Variants in SYVN1 observed in about 807,000 individuals in gnomAD.
The protein encoded by SYVN1 is E3 ubiquitin-protein ligase synoviolin.
A neutral mutation model predicts 62.6 loss-of-function variants in SYVN1; 17 were observed. That is an observed-to-expected ratio of 0.27 (90% CI 0.19 to 0.41). The LOEUF (loss-of-function observed/expected upper bound fraction) is 0.41, where lower values mean the gene tolerates loss of function less well. SYVN1 is among the 10% of genes least tolerant of loss of function. The pLI is 1.00. For missense variants in SYVN1, 634 were observed against 818.0 expected (o/e 0.78, Z 2.74); for synonymous variants, 316 against 304.0 (o/e 1.04, Z -0.41).
rs371075137 is a variant in SYVN1 at position 65,129,720 on chromosome 11, C to T, written c.1595+9G>A. The T allele has an allele frequency of 1.6e-5, 26 of 1,613,646 alleles. No individual in the cohort carries two copies. Among genetic ancestry groups the T allele is most frequent in the Admixed American group, 8.3e-5 (5 of 59,992 alleles). On this transcript the variant is annotated intron_variant, in intron 14 of 15. Transcript: ENST00000377190. ...CCAAACCCACTCTGCTTCCCCTGTA[C>T]AGACACACCCCAAGGAGGCCAGCAC...
chr11:65,133,259 G>A lies in SYVN1; in HGVS notation c.133-7C>T. ...AGGCCTGGATGTACAGGACCTAGGAGTGGGGAGAGGCTGTGGTTTGAGGTC... is the reference window on the plus strand; with the variant it reads ...AGGCCTGGATGTACAGGACCTAGGAATGGGGAGAGGCTGTGGTTTGAGGTC... On this transcript the variant is annotated splice_polypyrimidine_tract_variant and splice_region_variant and intron_variant, in intron 2 of 15. Transcript: ENST00000377190. The A allele has an allele frequency of 6.2e-7, 1 of 1,614,152 alleles. No homozygotes were observed. Among genetic ancestry groups the A allele is most frequent in the Non-Finnish European group, 8.5e-7 (1 of 1,179,982 alleles).
chr11:65,132,858 T>C (rs894516305), intron 4 of SYVN1, 64 bp downstream of exon 4: 4 of 1,613,306 alleles, frequency 2.5e-6, no homozygotes, highest in Non-Finnish European at 2.5e-6. Context: ...TCCCTGCTCC[T>C]TAAGCCTGCC....
intron 15 of SYVN1, 26 bp from the exon 16 acceptor site, chr11:65,128,514 A>C: frequency 1.9e-6 from 3 of 1,613,210 alleles, no homozygotes; most frequent in Non-Finnish European, 2.5e-6. Context: ...CTGGAAGTGG[A>C]ACCTAGAGAA....
At chr11:65,131,099 G>A in intron 9 of SYVN1, 33 bp downstream of exon 9, 3 of 1,614,074 alleles carry the variant, frequency 1.9e-6, no homozygotes, top group East Asian at 2.2e-5. Context: ...CCAGGACCGA[G>A]CTTGGGACAG....
rs1047466253 is a variant in SYVN1, at chr11:65,133,062, G to A, written c.238C>T (p.Arg80Cys). The change falls in exon 4 of 16, where the codon CGT becomes TGT. Residue 80 changes from arginine to cysteine, a missense_variant. Physicochemically the swap from Arg to Cys is radical, Grantham distance 180. Around this residue, in one of 2 missense-constraint regions of SYVN1, gnomAD observed 283 missense variants for 444.7 expected, o/e 0.64. Transcript: ENST00000377190. ...RAAEMEHLLE[R>C]SWYAVTETCL... ...GTCTCTGTGACGGCGTACCAGGAAC[G>A]TTCCAGAAGGTGCTGGGGGCCAGGC... 5 of 1,614,224 alleles carry A rather than the reference G, an allele frequency of 3.1e-6. No homozygotes were observed. Among genetic ancestry groups the A allele is most frequent in the Non-Finnish European group, 3.4e-6 (4 of 1,180,036 alleles).
Position 65,133,251 on chromosome 11 carries a change from A to G in SYVN1, c.134T>C (p.Val45Ala). 6.2e-7 allele frequency: 1 copy of G among 1,614,172 alleles called. No individual in the cohort carries two copies. Among genetic ancestry groups the G allele is most frequent in the East Asian group, 2.2e-5 (1 of 44,884 alleles). The change falls in exon 3 of 16, where the codon GTC (valine) becomes GCC (alanine). Residue 45 changes from valine to alanine, a missense_variant and splice_region_variant. This residue lies in a region of SYVN1 where 283 missense variants were observed against 444.7 expected (regional missense o/e 0.64). Coordinates refer to ENST00000377190, the MANE Select transcript of SYVN1 (RefSeq NM_172230.3). Reference sequence around the variant, plus strand: ...AAGGACAAAGGCCTGGATGTACAGGACCTAGGAGTGGGGAGAGGCTGTGGT... The same window carrying G: ...AAGGACAAAGGCCTGGATGTACAGGGCCTAGGAGTGGGGAGAGGCTGTGGT... ...YLTKSSPSMA[V>A]LYIQAFVLVF...
In SYVN1 at chr11:65,131,345, G is replaced by C. The variant is rs558199312; in HGVS notation, c.687C>G (p.Ala229=). ...TGFIKVLLYM[A]FMTIMIKVHT... The stretch of plus-strand genomic sequence containing the variant: ...GCACCTTGATCATGATGGTCATGAA[G>C]GCCATGTACAGCAGAACCTTGATGA... Residue 229 remains alanine (A), a synonymous_variant, in exon 8 of 16, where the codon GCC becomes GCG. Transcript: ENST00000377190. 1 of 1,614,126 alleles carries C rather than the reference G, an allele frequency of 6.2e-7. No homozygotes were observed. The highest frequency in any genetic ancestry group is 1.1e-5 in the South Asian group (1 of 91,080).
chr11:65,130,775 A>G lies in SYVN1; in HGVS notation c.990T>C (p.Arg330=), dbSNP rs147083813. Residue 330 remains arginine, a synonymous_variant, in exon 11 of 16, where the codon CGT becomes CGC. Coordinates refer to ENST00000377190, the MANE Select transcript of SYVN1 (RefSeq NM_172230.3). ...GCAGCGATGCACGAAGGACATCCAT[A>G]CGGCAGGTGGGGCAGGTCTGCTGCC... The part of the protein sequence containing the change: ...FQRQQTCPTC[R]MDVLRASLPA... 2 of 1,547,166 alleles carry G rather than the reference A, an allele frequency of 1.3e-6. No homozygotes were observed. The highest frequency in any genetic ancestry group is 1.4e-5 in the African/African-American group (1 of 72,792).
rs114002216 is a variant in SYVN1, at chr11:65,130,010, G to A, written c.1400C>T (p.Pro467Leu). The change falls in exon 13 of 16, where the codon CCA (proline) becomes CTA (leucine). Residue 467 changes from proline (P) to leucine (L), a missense_variant. Pro to Leu is a moderately conservative substitution (Grantham distance 98, BLOSUM62 -3). Transcript: ENST00000377190. ...AGAGTGGCCCAGCTTACCAAAGGGT[G>A]GAGGCAGGGGCATACCCATCCAGGG... ...PPPWMGMPLP[P>L]PFAFPPMPVP... is the part of the protein sequence containing the mutation. 1.9e-4 allele frequency: 297 copies of A among 1,594,600 alleles called. 2 individuals are homozygous for A. In the African/African-American group the frequency reaches 3.2e-3, roughly 17 times the overall value.
chr11:65,129,603 TG>T, intron 14 of SYVN1, 125 bp downstream of exon 14: 1 of 842,060 alleles, frequency 1.2e-6, no homozygotes, highest in South Asian at 1.6e-5. Context: ...TGGAGACCCT[TG>T]GTGGGCCTGT....
At chr11:65,133,352 A>C (rs1227983056) in intron 2 of SYVN1, 100 bp from the exon 3 acceptor site, 1 of 1,576,142 alleles carries the variant, frequency 6.3e-7, no homozygotes, top group African/African-American at 1.4e-5. Flanking sequence ...CAGTTTATTC[A>C]AAGTTAGGCA....
intron 5 of SYVN1, 40 bp downstream of exon 5, chr11:65,132,692 C>T (rs778091022): frequency 6.2e-6 from 10 of 1,607,632 alleles, no homozygotes; most frequent in Middle Eastern, 1.7e-4. Flanking sequence ...CCACGGTTCA[C>T]GTTCCAGTCC....
At chr11:65,133,860 C>T (rs1413190889) in intron 1 of SYVN1, among the ~76,000 whole-genome samples, 1 of 152,234 alleles carries the variant, frequency 6.6e-6, no homozygotes, top group Admixed American at 6.5e-5. Flanking sequence ...GGGCTCTTTC[C>T]ACGCTGCCTG....
intron 1 of SYVN1, 145 bp from the exon 2 acceptor site, chr11:65,133,763 AC>A: frequency 1.5e-6 from 1 of 686,322 alleles, no homozygotes; most frequent in Non-Finnish European, 2.4e-6. Context: ...AGCTTACGCT[AC>A]CCCATTTTAC....
chr11:65,128,462 TCTC>T lies in SYVN1; in HGVS notation c.1771_1773del (p.Glu591del). 9 of 1,614,128 alleles carry T rather than the reference TCTC, an allele frequency of 5.6e-6. No homozygotes were observed. The highest frequency in any genetic ancestry group is 7.6e-6 in the Non-Finnish European group (9 of 1,180,006). On this transcript the variant is annotated inframe_deletion, in exon 16 of 16. Coordinates refer to ENST00000377190, the MANE Select transcript of SYVN1 (RefSeq NM_172230.3). ...GCATCGGGCTCTCCATCCTCAGGCA[TCTC>T]CTCTGTGCCCACTGACTCAGGAGCT...
chr11:65,131,289 A>G lies in SYVN1; in HGVS notation c.743T>C (p.Met248Thr), dbSNP rs753174375. 5.6e-6 allele frequency: 9 copies of G among 1,614,158 alleles called. No homozygotes were observed. In the South Asian group the frequency reaches 7.7e-5, roughly 14 times the overall value. ...CCGGGCTCACCTCATGGCCAGGTAC[A>G]TGGGCCGGATGGCAAAGAGTGGGAA... ...HTFPLFAIRP[M>T]YLAMRQFKKA... is the part of the protein sequence containing the mutation. Residue 248 changes from methionine (M) to threonine (T), a missense_variant, in exon 8 of 16, where the codon ATG becomes ACG. By Grantham distance (81) the Met-to-Thr change is moderately conservative (BLOSUM62 -1). This residue lies in a region of SYVN1 where 283 missense variants were observed against 444.7 expected (regional missense o/e 0.64). Transcript: ENST00000377190.
chr11:65,129,437 T>C, intron 14 of SYVN1: 1 of 331,510 alleles, frequency 3.0e-6, no homozygotes, highest in Non-Finnish European at 5.6e-6. Flanking sequence ...TATCATGTGA[T>C]GAACTAAAGC....
At position 65,128,425 on chromosome 11, in the gene SYVN1, C is replaced by T. The variant is rs762623189; in HGVS notation, c.1811G>A (p.Arg604His). The stretch of plus-strand genomic sequence containing the variant: ...CTCCAGCTTCTGCAGGCGGCGCCGG[C>T]GGAGCTCTGCTGCATCGGGCTCTCC... ...EDGEPDAAEL[R>H]RRRLQKLESP... The change falls in exon 16 of 16, where the codon CGC becomes CAC. Residue 604 changes from arginine (R) to histidine (H), a missense_variant. Arg to His is a conservative substitution (Grantham distance 29). Around this residue, in one of 2 missense-constraint regions of SYVN1, gnomAD observed 351 missense variants for 373.3 expected, o/e 0.94. Coordinates refer to ENST00000377190, the MANE Select transcript of SYVN1 (RefSeq NM_172230.3). 3.1e-6 allele frequency: 5 copies of T among 1,613,990 alleles called. No individual in the cohort carries two copies. Among genetic ancestry groups the T allele is most frequent in the Non-Finnish European group, 4.2e-6 (5 of 1,180,010 alleles).
In SYVN1 at chr11:65,128,687, G is replaced by A. The variant is rs1195644457; in HGVS notation, c.1623C>T (p.Asn541=). ...LGPPRPATSV[N]STEETATTVV... ...CTGTAGTGGCAGTCTCCTCAGTGGAGTTGACTGAAGTGGCAGGCCGGGGGG... is the reference window on the plus strand; with the variant it reads ...CTGTAGTGGCAGTCTCCTCAGTGGAATTGACTGAAGTGGCAGGCCGGGGGG... Residue 541 remains asparagine, a synonymous_variant, in exon 15 of 16, where the codon AAC becomes AAT. Coordinates refer to ENST00000377190, the MANE Select transcript of SYVN1 (RefSeq NM_172230.3). 6.2e-7 allele frequency: 1 copy of A among 1,613,094 alleles called. No homozygotes were observed. The highest frequency in any genetic ancestry group is 8.5e-7 in the Non-Finnish European group (1 of 1,179,538).
Sources: allele counts gnomAD v4.1 joint callset (sites outside exome capture counted in the v4.1 genomes callset), GRCh38; gene constraint gnomAD v4.1.1; regional missense constraint gnomAD v4.1.1; transcripts MANE v1.5; gene names NCBI Gene and HGNC (gene_info 2026-07-23, HGNC 2026-07-21).